Variants in GLIS3 observed in about 807,000 individuals in gnomAD.
The protein encoded by GLIS3 is GLIS family zinc finger 3.
In GLIS3, 53 loss-of-function variants were observed where a neutral mutation model predicts 78.6. That is an observed-to-expected ratio of 0.67 (90% CI 0.54 to 0.85). GLIS3 has a LOEUF of 0.85. GLIS3 is among the 40% of genes least tolerant of loss of function. The pLI, the probability that GLIS3 is intolerant of heterozygous loss-of-function variation, is 0.00. For missense variants in GLIS3, 1,703 were observed against 1,231.1 expected (o/e 1.38, Z -5.74); for synonymous variants, 684 against 509.9 (o/e 1.34, Z -4.60).
chr9:4,488,194 G>A, the GLIS3 span, among the ~76,000 whole-genome samples: 3 of 151,990 alleles, frequency 2.0e-5, no homozygotes, highest in Non-Finnish European at 4.4e-5. Flanking sequence ...GGCTTAAGCA[G>A]TCCTACCATC....
the GLIS3 span, among the ~76,000 whole-genome samples, chr9:4,356,399 G>A: frequency 2.0e-5 from 3 of 152,176 alleles, no homozygotes; most frequent in Admixed American, 6.5e-5. Flanking sequence ...ATATGATTGA[G>A]CCCTGGTATG....
At chr9:3,976,738 G>C (rs1446032070) in intron 4 of GLIS3, among the ~76,000 whole-genome samples, 2 of 127,376 alleles carry the variant, frequency 1.6e-5, no homozygotes, top group South Asian at 2.7e-4. Flanking sequence ...CCATTCCTTA[G>C]TGCCAACACA....
chr9:4,306,411 G>A (rs138487175), intron 4 of GLIS3, among the ~76,000 whole-genome samples: 1 of 152,158 alleles, frequency 6.6e-6, no homozygotes, highest in Non-Finnish European at 1.5e-5. Flanking sequence ...CCCGCTTTCA[G>A]ACCAGCTAGT....
intron 4 of GLIS3, among the ~76,000 whole-genome samples, chr9:3,958,719 T>A (rs532858049): frequency 6.6e-6 from 1 of 151,998 alleles, no homozygotes; most frequent in Non-Finnish European, 1.5e-5. Flanking sequence ...ACAAATGCAA[T>A]AGAATGAGAT....
intron 2 of GLIS3, among the ~76,000 whole-genome samples, chr9:4,202,507 C>G (rs1191385326): frequency 6.6e-6 from 1 of 151,196 alleles, no homozygotes; most frequent in Non-Finnish European, 1.5e-5. Context: ...GCCCAAACAG[C>G]CAAAGCAATG....
chr9:4,325,800 C>G (rs371045421), intron 2 of GLIS3, among the ~76,000 whole-genome samples: 1 of 152,086 alleles, frequency 6.6e-6, no homozygotes, highest in African/African-American at 2.4e-5. Flanking sequence ...TGAAATCAAC[C>G]TAGATGCCCA....
chr9:4,084,536 G>A (rs1187785556), intron 4 of GLIS3, among the ~76,000 whole-genome samples: 1 of 152,094 alleles, frequency 6.6e-6, no homozygotes, highest in Non-Finnish European at 1.5e-5. Flanking sequence ...AGGTGGAAGT[G>A]GGTGACGGAG....
chr9:4,406,040 G>C, the GLIS3 span, among the ~76,000 whole-genome samples: 6 of 152,124 alleles, frequency 3.9e-5, no homozygotes, highest in Non-Finnish European at 7.4e-5. Flanking sequence ...AACCCTCAAA[G>C]AACTGGGTAT....
intron 8 of GLIS3, among the ~76,000 whole-genome samples, chr9:3,860,835 G>T (rs1315487879): frequency 2.0e-5 from 3 of 152,150 alleles, no homozygotes; most frequent in Admixed American, 6.5e-5. Context: ...TAAATGTGTG[G>T]CATTGTTCTA....
chr9:4,359,531 A>T, the GLIS3 span, among the ~76,000 whole-genome samples: 4 of 152,156 alleles, frequency 2.6e-5, no homozygotes, highest in African/African-American at 9.7e-5. Flanking sequence ...TCATCTGCAG[A>T]GGAATAATAG....
intron 6 of GLIS3, among the ~76,000 whole-genome samples, chr9:3,915,681 G>A (rs528065910): frequency 1.3e-5 from 2 of 152,286 alleles, no homozygotes; most frequent in South Asian, 4.1e-4. Context: ...TTGCCTGTCT[G>A]TCATAATTAT....
chr9:3,953,760 G>GCTCTCTCTCTCTCT (rs71507912), intron 4 of GLIS3, among the ~76,000 whole-genome samples: 2 of 103,398 alleles, frequency 1.9e-5, no homozygotes, highest in African/African-American at 7.4e-5. Context: ...AATTAGATTT[G>GCTCTCTCTCTCTCT]CTCTCTCTCT....
intron 2 of GLIS3, among the ~76,000 whole-genome samples, chr9:4,255,005 T>C (rs1824782277): frequency 6.6e-6 from 1 of 152,162 alleles, no homozygotes; most frequent in Admixed American, 6.6e-5. Context: ...TAAGGAACTC[T>C]TAAAACTCAA....
chr9:3,853,054 T>C (rs1377490938), intron 9 of GLIS3, among the ~76,000 whole-genome samples: 1 of 151,972 alleles, frequency 6.6e-6, no homozygotes, highest in Non-Finnish European at 1.5e-5. Flanking sequence ...ACAAAAACAA[T>C]AAATGAAATT....
In GLIS3 at chr9:4,328,831, G is replaced by A. The variant is rs954662536; in HGVS notation, n.264+18250C>T. Among the ~76,000 whole-genome samples the A allele has an allele frequency of 3.9e-5, 6 of 152,152 alleles. No individual in the cohort carries two copies. The East Asian group carries it at 7.7e-4, about 20-fold the overall frequency. ...ACATGCAGCATTTAGATCAGTGCCC[G>A]GCACGTGACAAGCATCCAATAAATG... On this transcript the variant is annotated intron_variant and non_coding_transcript_variant, in intron 2 of 4. Coordinates refer to the GLIS3 transcript ENST00000471664.
rs138497120 is a variant in GLIS3 at position 4,006,543 on chromosome 9, G to A, written c.1711-69354C>T. ...TGGTGAGGGGTGCAGGAAGGACAGG[G>A]AATGCAGGTATGTTCCTTGACGACC... is the stretch of plus-strand genomic sequence containing the variant. On this transcript the variant is annotated intron_variant, in intron 4 of 10. Coordinates refer to ENST00000381971, the MANE Select transcript of GLIS3 (RefSeq NM_001042413.2). Among the ~76,000 whole-genome samples, 76 of 152,226 alleles carry A rather than the reference G, an allele frequency of 5.0e-4. No individual in the cohort carries two copies. In the East Asian group the frequency reaches 0.013, roughly 25 times the overall value.
At chr9:4,303,978 T>C (rs1197358301), upstream of GLIS3, among the ~76,000 whole-genome samples, 1 of 152,234 alleles carries the variant, frequency 6.6e-6, no homozygotes, top group Admixed American at 6.5e-5. Flanking sequence ...ATAACTACCT[T>C]CTATAAATGC....
At chr9:4,267,943 ACC>A (rs1826161414) in intron 2 of GLIS3, among the ~76,000 whole-genome samples, 2 of 74,704 alleles carry the variant, frequency 2.7e-5, no homozygotes, top group South Asian at 3.3e-4. Flanking sequence ...TTATAAAAAT[ACC>A]TGTGTGTGTG....
intron 2 of GLIS3, among the ~76,000 whole-genome samples, chr9:4,262,283 A>G (rs1454218175): frequency 2.0e-5 from 3 of 152,138 alleles, no homozygotes; most frequent in African/African-American, 7.2e-5. Context: ...CATTTGAGAG[A>G]AACTGCACTG....
Sources: allele counts gnomAD v4.1 joint callset (sites outside exome capture counted in the v4.1 genomes callset), GRCh38; gene constraint gnomAD v4.1.1; transcripts MANE v1.5; gene names NCBI Gene and HGNC (gene_info 2026-07-23, HGNC 2026-07-21).